The following NCKAP5 variants were observed in gnomAD, a reference collection of about 807,000 sequenced individuals.
NCKAP5 encodes nck-associated protein 5.
NCKAP5 carries 92 observed loss-of-function variants against 167.0 expected under a neutral mutation model. The observed-to-expected ratio is 0.55, with a 90% CI of 0.47 to 0.66. The LOEUF is 0.66. Among genes scored for constraint, NCKAP5 ranks in the 30% least tolerant of loss-of-function variants. NCKAP5 has a pLI of 0.00. For missense variants in NCKAP5, 2,378 were observed against 2,315.0 expected (o/e 1.03, Z -0.56); for synonymous variants, 891 against 877.4 (o/e 1.02, Z -0.27).
chr2:133,071,809 T>C (rs1573942516), intron 6 of NCKAP5, among the ~76,000 whole-genome samples: 1 of 152,294 alleles, frequency 6.6e-6, no homozygotes, highest in Admixed American at 6.5e-5. Flanking sequence ...AATTAACATT[T>C]CCCAAGAGCC....
At chr2:132,788,391 C>T (rs1401044428) in intron 13 of NCKAP5, among the ~76,000 whole-genome samples, 2 of 152,102 alleles carry the variant, frequency 1.3e-5, no homozygotes, top group Admixed American at 6.5e-5. Context: ...ATTGAAGCAA[C>T]CTCACCACGT....
At chr2:133,507,275 T>G (rs1683096293) in intron 3 of NCKAP5, among the ~76,000 whole-genome samples, 1 of 152,220 alleles carries the variant, frequency 6.6e-6, no homozygotes, top group Non-Finnish European at 1.5e-5. Context: ...CCTACTTATC[T>G]GCCGGCTCTG....
intron 4 of NCKAP5, 112 bp from the exon 5 acceptor site, chr2:133,213,891 G>A: frequency 1.1e-6 from 1 of 929,834 alleles, no homozygotes; most frequent in Non-Finnish European, 1.7e-6. Context: ...CCTTGGTTTA[G>A]CTCACTTCCT....
intron 4 of NCKAP5, among the ~76,000 whole-genome samples, chr2:133,218,103 AT>A (rs2150191060): frequency 6.6e-6 from 1 of 151,878 alleles, no homozygotes; most frequent in Admixed American, 6.6e-5. Context: ...TTTTGTTGTT[AT>A]GGGTTATTAT....
chr2:133,465,006 CTTTTT>C (rs11314518), intron 3 of NCKAP5, among the ~76,000 whole-genome samples: 2 of 143,544 alleles, frequency 1.4e-5, no homozygotes, highest in African/African-American at 2.6e-5. Context: ...ACTGCTTTTG[CTTTTT>C]TTTTTTATTA....
At chr2:132,681,878 A>G (rs1360551365) in intron 19 of NCKAP5, among the ~76,000 whole-genome samples, 1 of 152,226 alleles carries the variant, frequency 6.6e-6, no homozygotes, top group Non-Finnish European at 1.5e-5. Context: ...TAGGCACTTT[A>G]CAACAGCCAT....
At chr2:133,118,110 G>C (rs1448447806) in intron 6 of NCKAP5, 3 of 152,062 alleles carry the variant, frequency 2.0e-5, no homozygotes, top group African/African-American at 7.2e-5. Context: ...GGCTGGCAGA[G>C]TTTTTCATCT....
chr2:132,819,387 T>G (rs1331694441), intron 11 of NCKAP5, among the ~76,000 whole-genome samples: 2 of 152,238 alleles, frequency 1.3e-5, no homozygotes, highest in African/African-American at 4.8e-5. Context: ...TATGTATTGT[T>G]GCAATCTAGA....
At chr2:133,351,786 A>G (rs556758818) in intron 3 of NCKAP5, among the ~76,000 whole-genome samples, 1 of 152,216 alleles carries the variant, frequency 6.6e-6, no homozygotes, top group South Asian at 2.1e-4. Flanking sequence ...ATCTCAGGAA[A>G]GCATGTCTGC....
chr2:133,253,829 T>A (rs1172561835), intron 4 of NCKAP5, among the ~76,000 whole-genome samples: 3 of 152,194 alleles, frequency 2.0e-5, no homozygotes, highest in Non-Finnish European at 4.4e-5. Context: ...ACAAAACCAC[T>A]GAAGGACCCA....
chr2:133,394,678 A>G lies in NCKAP5; in HGVS notation c.70-91568T>C, dbSNP rs138731097. 4.8e-3 allele frequency among the ~76,000 whole-genome samples: 728 copies of G among 152,340 alleles called. 5 individuals carry two copies. Among genetic ancestry groups the G allele is most frequent in the Middle Eastern group, 0.017 (5 of 294 alleles). ...AGTGACGTTTCTTTACAGTAACCCC[A>G]GGAACCATTTTGTTGGATGAACTTC... On this transcript the variant is annotated intron_variant, in intron 3 of 19. Transcript: ENST00000409261.
At chr2:133,666,727 T>A in the NCKAP5 span, among the ~76,000 whole-genome samples, 1 of 151,980 alleles carries the variant, frequency 6.6e-6, no homozygotes, top group Non-Finnish European at 1.5e-5. Flanking sequence ...GATAATGGAA[T>A]CGATTTAAAT....
At chr2:133,056,657 T>C (rs948902111) in intron 6 of NCKAP5, among the ~76,000 whole-genome samples, 1 of 152,166 alleles carries the variant, frequency 6.6e-6, no homozygotes, top group Non-Finnish European at 1.5e-5. Flanking sequence ...AACCAACAAG[T>C]ATTTATTAAA....
chr2:133,632,417 T>A, the NCKAP5 span, among the ~76,000 whole-genome samples: 1 of 152,248 alleles, frequency 6.6e-6, no homozygotes, highest in African/African-American at 2.4e-5. Flanking sequence ...TTAATATTAA[T>A]GCAGGGGGAA....
chr2:133,223,416 C>T lies in NCKAP5; in HGVS notation c.144-9637G>A, dbSNP rs937648495. Among the ~76,000 whole-genome samples the T allele has an allele frequency of 7.9e-5, 12 of 152,060 alleles. No individual in the cohort carries two copies. The South Asian group carries it at 1.5e-3, about 18-fold the overall frequency. On this transcript the variant is annotated intron_variant, in intron 4 of 19. Transcript: ENST00000409261. ...CACAGAAGTGCCCTGGGGAGTCACC[C>T]GCCGCAGAGGCCATGACAATGTCGA...
chr2:133,564,152 G>A (rs72994251), intron 1 of NCKAP5, among the ~76,000 whole-genome samples: 19,597 of 151,810 alleles, frequency 0.13, 2,864 homozygotes, highest in African/African-American at 0.35. Context: ...AAAAAAGTAC[G>A]TGCTGTGGGT....
intron 16 of NCKAP5, among the ~76,000 whole-genome samples, chr2:132,738,441 C>T (rs1691725322): frequency 6.6e-6 from 1 of 152,208 alleles, no homozygotes; most frequent in African/African-American, 2.4e-5. Flanking sequence ...TGCTGCCATA[C>T]TGTTTAACAC....
chr2:133,586,746 C>T, the NCKAP5 span, among the ~76,000 whole-genome samples: 1 of 130,000 alleles, frequency 7.7e-6, no homozygotes, highest in Non-Finnish European at 1.6e-5. Context: ...CTTAAGACAG[C>T]AATATCACAC....
chr2:132,983,997 C>G (rs947417788), intron 7 of NCKAP5, among the ~76,000 whole-genome samples: 1 of 152,154 alleles, frequency 6.6e-6, no homozygotes, highest in South Asian at 2.1e-4. Context: ...TGGCTCACAC[C>G]TGGAATCCCA....
Sources: gnomAD v4.1 joint callset for allele counts (sites outside exome capture counted in the v4.1 genomes callset) on GRCh38, gnomAD v4.1.1 for gene constraint, MANE v1.5 for transcripts, NCBI Gene and HGNC (gene_info 2026-07-23, HGNC 2026-07-21) for gene names.